Variants in NBEA observed in about 807,000 individuals in gnomAD.
NBEA encodes the protein lysosomal-trafficking regulator 2.
Under a neutral mutation model 343.4 loss-of-function variants are expected in NBEA, and 44 were observed. That is an observed-to-expected ratio of 0.13 (90% confidence interval 0.10 to 0.16). NBEA has a LOEUF of 0.16. Among genes scored for constraint, NBEA ranks in the 10% least tolerant of loss-of-function variants. NBEA has a pLI of 1.00. For synonymous variants in NBEA, 1,175 were observed against 1,238.7 expected, an observed-to-expected ratio of 0.95 and a Z score of 1.08; for missense variants, 2,555 against 3,631.3, an observed-to-expected ratio of 0.70 and a Z score of 7.62.
At chr13:35,435,760 C>CT (rs2045399286) in intron 39 of NBEA, among the ~76,000 whole-genome samples, 1 of 151,932 alleles carries the variant, frequency 6.6e-6, no homozygotes, top group East Asian at 1.9e-4. Flanking sequence ...GCTTAGAAAC[C>CT]TTTTTCTTGT....
At chr13:35,288,898 T>C (rs2035615105) in intron 34 of NBEA, among the ~76,000 whole-genome samples, 1 of 151,980 alleles carries the variant, frequency 6.6e-6, no homozygotes, top group South Asian at 2.1e-4. Flanking sequence ...CCCTAGAACC[T>C]GAGCATGAGA....
At chr13:34,993,866 G>A (rs935897379) in intron 1 of NBEA, among the ~76,000 whole-genome samples, 14 of 151,988 alleles carry the variant, frequency 9.2e-5, no homozygotes, top group Admixed American at 1.3e-4. Flanking sequence ...GAAAAGATAT[G>A]TAGAAACAGT....
chr13:35,068,901 A>G (rs963718217), intron 8 of NBEA, among the ~76,000 whole-genome samples: 13 of 152,152 alleles, frequency 8.5e-5, no homozygotes, highest in Non-Finnish European at 1.3e-4. Flanking sequence ...AATCTTCTCT[A>G]GTTTGAGGAA....
chr13:35,470,857 C>T (rs1349122467), intron 40 of NBEA, among the ~76,000 whole-genome samples: 4 of 152,184 alleles, frequency 2.6e-5, no homozygotes, highest in Non-Finnish European at 5.9e-5. Context: ...ACAAGAGATT[C>T]GGGCGTAATT....
chr13:34,972,583 A>T (rs1449986971), intron 1 of NBEA, among the ~76,000 whole-genome samples: 1 of 152,122 alleles, frequency 6.6e-6, no homozygotes, highest in Admixed American at 6.6e-5. Context: ...TTTATTATTT[A>T]CCCAAAAGTC....
At chr13:34,989,516 T>C (rs902631518) in intron 1 of NBEA, among the ~76,000 whole-genome samples, 1 of 150,752 alleles carries the variant, frequency 6.6e-6, no homozygotes, top group African/African-American at 2.4e-5. Flanking sequence ...CCAAATCTTA[T>C]GGGAACTCAC....
In NBEA at chr13:35,606,406, T is replaced by C; in HGVS notation, c.7297-20T>C. On this transcript the variant is annotated intron_variant, in intron 47 of 58. Transcript: ENST00000379939. The stretch of plus-strand genomic sequence containing the variant: ...ATTTTTATAAAGTGGTTTAATATGC[T>C]TCATTTTTATTCCTGATAGGAACTA... 7.2e-7 allele frequency: 1 copy of C among 1,388,040 alleles called. No individual in the cohort carries two copies. The highest frequency in any genetic ancestry group is 9.5e-7 in the Non-Finnish European group (1 of 1,052,472). The allele number at this position is 1,388,040 out of a possible 1,614,324, so 86.0% of individuals were successfully genotyped here.
chr13:35,042,058 C>G (rs1350060188), intron 2 of NBEA, among the ~76,000 whole-genome samples: 3 of 151,716 alleles, frequency 2.0e-5, no homozygotes, highest in African/African-American at 7.3e-5. Flanking sequence ...AACATTTTGG[C>G]TTATGCATTT....
chr13:35,112,163 TG>T (rs2066250306), intron 13 of NBEA, among the ~76,000 whole-genome samples: 1 of 151,238 alleles, frequency 6.6e-6, no homozygotes, highest in African/African-American at 2.4e-5. Context: ...GTGATACACC[TG>T]ACTCGGCCTC....
Position 35,651,788 on chromosome 13 carries a change from CTTTT to C in NBEA, c.7964-13_7964-10del, listed in dbSNP as rs1566463140. ...GAGAATTTTATGTTAGTTTTTCTCT[CTTTT>C]TTTAATCTTTAGGCCTCAGAGGAGC... On this transcript the variant is annotated splice_polypyrimidine_tract_variant and intron_variant, in intron 52 of 58. Coordinates refer to ENST00000379939, the MANE Select transcript of NBEA (RefSeq NM_001385012.1). 2 of 1,478,796 alleles carry C rather than the reference CTTTT, an allele frequency of 1.4e-6. No homozygotes were observed. Among genetic ancestry groups the C allele is most frequent in the Non-Finnish European group, 1.8e-6 (2 of 1,081,174 alleles). 91.6% of individuals were successfully genotyped at this position (1,478,796 alleles called of 1,614,324 possible).
rs554968732 is a variant in NBEA at position 35,200,883 on chromosome 13, AG to A, written c.5366+4584del. ...ATATTAGTGGTAAGGATGAAATTTC[AG>A]GGTAAATATTTTTAAAAATATTGAG... On this transcript the variant is annotated intron_variant, in intron 31 of 58. Coordinates refer to ENST00000379939, the MANE Select transcript of NBEA (RefSeq NM_001385012.1). 5.2e-3 allele frequency among the ~76,000 whole-genome samples: 795 copies of A among 152,104 alleles called. 5 individuals carry two copies. The highest frequency in any genetic ancestry group is 0.016 in the South Asian group (77 of 4,824).
Position 35,040,804 on chromosome 13 carries a change from A to G in NBEA, c.295-129A>G, listed in dbSNP as rs953392685. ...TTTGTAGCTCTTATACTTTTGATCA[A>G]AATTAATTTTATACCAGAATCCTTG... On this transcript the variant is annotated intron_variant, in intron 1 of 58. Transcript: ENST00000379939. The G allele has an allele frequency of 4.1e-6, 3 of 735,570 alleles. No individual in the cohort carries two copies. In the African/African-American group the frequency reaches 5.3e-5, roughly 13 times the overall value. The allele number at this position is 735,570 out of a possible 1,614,324, so 45.6% of individuals were successfully genotyped here. A position where few individuals can be genotyped will look rare whatever the true frequency, so the allele number is the denominator to read the frequency against.
chr13:35,230,315 A>C (rs948321661), intron 33 of NBEA, among the ~76,000 whole-genome samples: 6 of 152,108 alleles, frequency 3.9e-5, no homozygotes, highest in Admixed American at 6.6e-5. Context: ...GAAGCCTCTA[A>C]ATCACACCGA....
chr13:35,266,200 G>A (rs192172650), intron 34 of NBEA, among the ~76,000 whole-genome samples: 209 of 151,928 alleles, frequency 1.4e-3, no homozygotes, highest in African/African-American at 4.8e-3. Context: ...GTGTTGGCAA[G>A]GATATGGAGA....
At chr13:35,048,515 C>G (rs372579791) in intron 4 of NBEA, 48 bp from the exon 5 acceptor site, 43 of 1,552,042 alleles carry the variant, frequency 2.8e-5, no homozygotes, top group Non-Finnish European at 3.8e-5. Flanking sequence ...TAGCTACTAT[C>G]ACATTTCTTT....
At chr13:35,605,773 A>C (rs1376624615) in intron 47 of NBEA, among the ~76,000 whole-genome samples, 1 of 152,190 alleles carries the variant, frequency 6.6e-6, no homozygotes, top group Non-Finnish European at 1.5e-5. Context: ...GTTACATACA[A>C]GTAACACAAG....
At position 35,353,520 on chromosome 13, in the gene NBEA, A is replaced by G. The variant is rs114632766; in HGVS notation, c.6179+1197A>G. On this transcript the variant is annotated intron_variant, in intron 38 of 58. Transcript: ENST00000379939. ...AACTTCCTGGGATTATGAGTGTAAG[A>G]TAGGTTTTTTAAAACTTTATTAATT... Among the ~76,000 whole-genome samples, 80 of 152,176 alleles carry G rather than the reference A, an allele frequency of 5.3e-4. 1 individual carries two copies. Among genetic ancestry groups the G allele is most frequent in the African/African-American group, 1.9e-3 (77 of 41,462 alleles).
intron 36 of NBEA, among the ~76,000 whole-genome samples, chr13:35,341,633 C>A (rs1376865456): frequency 6.6e-6 from 1 of 151,986 alleles, no homozygotes; most frequent in Non-Finnish European, 1.5e-5. Context: ...CCAATGGACA[C>A]ATGAAAAGAT....
At chr13:35,195,552 G>A (rs918148240) in intron 30 of NBEA, among the ~76,000 whole-genome samples, 6 of 151,640 alleles carry the variant, frequency 4.0e-5, no homozygotes, top group Non-Finnish European at 5.9e-5. Context: ...GTATCCCACC[G>A]TGCCTAGCTT....
Sources: gnomAD v4.1 joint callset for allele counts (sites outside exome capture counted in the v4.1 genomes callset) on GRCh38, gnomAD v4.1.1 for gene constraint, MANE v1.5 for transcripts, NCBI Gene and HGNC (gene_info 2026-07-23, HGNC 2026-07-21) for gene names.